CDK19: variants seen among roughly 807,000 people sequenced by gnomAD.
CDK19 encodes cyclin dependent kinase 19.
A neutral mutation model predicts 68.3 loss-of-function variants in CDK19; 20 were observed. The ratio of observed to expected loss-of-function variants is 0.29; its 90% CI spans 0.21 to 0.43. The LOEUF (loss-of-function observed/expected upper bound fraction) is 0.43, where lower values mean the gene tolerates loss of function less well. Ranked by LOEUF, CDK19 falls within the 20% of genes least tolerant of loss-of-function variation. CDK19 has a pLI of 1.00. For missense variants in CDK19, 339 were observed against 623.5 expected (o/e 0.54, Z 4.86); for synonymous variants, 221 against 222.8 (o/e 0.99, Z 0.07).
At chr6:110,615,862 A>C (rs1178679554) in intron 12 of CDK19, among the ~76,000 whole-genome samples, 6 of 152,154 alleles carry the variant, frequency 3.9e-5, no homozygotes, top group Admixed American at 3.9e-4. Context: ...ACTATTGTCA[A>C]CCTTTTCAGA....
chr6:110,691,457 G>C (rs1177401845), intron 2 of CDK19, among the ~76,000 whole-genome samples: 2 of 151,000 alleles, frequency 1.3e-5, no homozygotes, highest in Admixed American at 6.6e-5. Flanking sequence ...CTGGGCGACA[G>C]TGCAAGACTC....
chr6:110,645,481 G>A (rs1045745611), intron 4 of CDK19, among the ~76,000 whole-genome samples: 2 of 152,170 alleles, frequency 1.3e-5, no homozygotes, highest in Admixed American at 6.5e-5. Context: ...AATGAGTTAT[G>A]TGCTCAATAA....
At chr6:110,737,929 A>T (rs968506900) in intron 2 of CDK19, among the ~76,000 whole-genome samples, 3 of 152,208 alleles carry the variant, frequency 2.0e-5, no homozygotes, top group Non-Finnish European at 4.4e-5. Flanking sequence ...ACACCAAAGA[A>T]CAGATCTTGC....
At chr6:110,729,706 G>A (rs765946354) in intron 2 of CDK19, among the ~76,000 whole-genome samples, 2 of 151,612 alleles carry the variant, frequency 1.3e-5, no homozygotes, top group Non-Finnish European at 2.9e-5. Context: ...AAAGTGCTGG[G>A]ATTACAGGCG....
At chr6:110,746,375 CA>C (rs1778080559) in intron 1 of CDK19, among the ~76,000 whole-genome samples, 174 bp from the exon 2 acceptor site, 2 of 151,962 alleles carry the variant, frequency 1.3e-5, no homozygotes, top group Admixed American at 1.3e-4. Context: ...TATGAGATAC[CA>C]AAAGAAATTC....
At chr6:110,692,931 AC>A (rs1582877719) in intron 2 of CDK19, among the ~76,000 whole-genome samples, 1 of 152,198 alleles carries the variant, frequency 6.6e-6, no homozygotes, top group East Asian at 1.9e-4. Context: ...CGGGAGAAGG[AC>A]GTTGCAATGA....
At chr6:110,784,158 CAAAAAAAA>C (rs1170140844) in intron 1 of CDK19, among the ~76,000 whole-genome samples, 1 of 61,494 alleles carries the variant, frequency 1.6e-5, no homozygotes, top group Non-Finnish European at 3.3e-5. Context: ...GACTTCGTCT[CAAAAAAAA>C]AAAAAAAAAA....
At chr6:110,635,552 G>A (rs1047139160) in intron 5 of CDK19, among the ~76,000 whole-genome samples, 16 of 151,918 alleles carry the variant, frequency 1.1e-4, no homozygotes, top group African/African-American at 2.9e-4. Context: ...CTCCCCCACC[G>A]CCTCCCATAT....
At chr6:110,731,127 AAAG>A (rs1446445568) in intron 2 of CDK19, among the ~76,000 whole-genome samples, 1,562 of 145,976 alleles carry the variant, frequency 0.011, 33 homozygotes, top group African/African-American at 0.041. Flanking sequence ...AAAGAAAAGA[AAAG>A]AAAAGAAAAA....
At chr6:110,707,822 A>C (rs541793407) in intron 2 of CDK19, among the ~76,000 whole-genome samples, 3 of 152,070 alleles carry the variant, frequency 2.0e-5, no homozygotes, top group Admixed American at 2.0e-4. Context: ...AAATACAAAA[A>C]TTAGCTGGAC....
chr6:110,682,260 A>G (rs1772083387), intron 2 of CDK19, among the ~76,000 whole-genome samples: 1 of 152,230 alleles, frequency 6.6e-6, no homozygotes, highest in African/African-American at 2.4e-5. Flanking sequence ...CAGTGAGAAC[A>G]GTATCACCGA....
chr6:110,745,397 T>A (rs978348071), intron 2 of CDK19, among the ~76,000 whole-genome samples: 4 of 152,160 alleles, frequency 2.6e-5, no homozygotes, highest in Admixed American at 1.3e-4. Context: ...ATCCTATTAT[T>A]ATAATGGTCT....
chr6:110,793,630 T>C (rs1009097467), intron 1 of CDK19, among the ~76,000 whole-genome samples: 2 of 152,244 alleles, frequency 1.3e-5, no homozygotes, highest in Admixed American at 6.5e-5. Flanking sequence ...TTCCACACTG[T>C]GGCAGAGACT....
intron 2 of CDK19, among the ~76,000 whole-genome samples, chr6:110,702,219 G>A (rs929909483): frequency 4.6e-5 from 7 of 152,324 alleles, no homozygotes; most frequent in African/African-American, 1.4e-4. Flanking sequence ...GCAAAGGTAG[G>A]AGGATTGCTT....
intron 1 of CDK19, among the ~76,000 whole-genome samples, chr6:110,804,522 G>A (rs1036382836): frequency 6.6e-6 from 1 of 150,946 alleles, no homozygotes; most frequent in Non-Finnish European, 1.5e-5. Context: ...GCTAATTTTT[G>A]TATTTTTTAG....
At chr6:110,646,392 T>G (rs1717803549) in intron 4 of CDK19, 14 of 1,484,322 alleles carry the variant, frequency 9.4e-6, no homozygotes, top group Middle Eastern at 2.1e-4. Context: ...CTTCTGCCCA[T>G]GGGGCTGCTG....
chr6:110,668,972 GATT>G (rs946187066), intron 3 of CDK19, among the ~76,000 whole-genome samples: 1 of 152,030 alleles, frequency 6.6e-6, no homozygotes, highest in African/African-American at 2.4e-5. Flanking sequence ...CAACATTTAT[GATT>G]ATATTTATTT....
At chr6:110,753,446 C>A (rs570239750) in intron 1 of CDK19, among the ~76,000 whole-genome samples, 10 of 151,488 alleles carry the variant, frequency 6.6e-5, no homozygotes, top group Non-Finnish European at 1.5e-4. Context: ...TGCAGTAGCG[C>A]GATCATGGCT....
intron 1 of CDK19, among the ~76,000 whole-genome samples, chr6:110,805,210 T>C (rs973150589): frequency 1.3e-5 from 2 of 152,240 alleles, no homozygotes; most frequent in East Asian, 1.9e-4. Context: ...AATAGCTTTG[T>C]CTGCTACTCC....
Sources: gnomAD v4.1 joint callset for allele counts (sites outside exome capture counted in the v4.1 genomes callset) on GRCh38, gnomAD v4.1.1 for gene constraint, MANE v1.5 for transcripts, NCBI Gene and HGNC (gene_info 2026-07-23, HGNC 2026-07-21) for gene names.